Variants in GPR39 observed in about 807,000 individuals in gnomAD.
The protein encoded by GPR39 is G protein-coupled receptor 39, also known as zinc sensing receptor.
In GPR39, 23 loss-of-function variants were observed where a neutral mutation model predicts 18.4. That is an observed-to-expected ratio of 1.25 (90% CI 0.90 to 1.77). The LOEUF (loss-of-function observed/expected upper bound fraction) is 1.77. Ranked by LOEUF, GPR39 falls within the 40% of genes most tolerant of loss-of-function variation. The pLI, the probability that GPR39 is intolerant of heterozygous loss-of-function variation, is 0.00. For missense variants in GPR39, 647 were observed against 602.4 expected (o/e 1.07, Z -0.78); for synonymous variants, 280 against 257.9 (o/e 1.09, Z -0.82).
At chr2:132,530,032 C>T (rs1221829160) in intron 1 of GPR39, among the ~76,000 whole-genome samples, 1 of 152,058 alleles carries the variant, frequency 6.6e-6, no homozygotes, top group South Asian at 2.1e-4. Context: ...AGAGAAGAAG[C>T]CTTCAGAAGA....
intron 1 of GPR39, among the ~76,000 whole-genome samples, chr2:132,622,119 T>A (rs10185699): frequency 0.022 from 3,297 of 152,182 alleles, 114 homozygotes; most frequent in African/African-American, 0.075. Context: ...ATTGGCAGGG[T>A]GCAGTGGCTT....
At chr2:132,560,923 T>C (rs1680240949) in intron 1 of GPR39, among the ~76,000 whole-genome samples, 1 of 148,728 alleles carries the variant, frequency 6.7e-6, no homozygotes, top group South Asian at 2.2e-4. Context: ...TTTTGCTTTT[T>C]TTTTTTGAGA....
At chr2:132,507,337 C>T (rs970494433) in intron 1 of GPR39, among the ~76,000 whole-genome samples, 2 of 152,094 alleles carry the variant, frequency 1.3e-5, no homozygotes, top group Admixed American at 6.5e-5. Flanking sequence ...TAGAAGAAGT[C>T]TTAAAAATAA....
In GPR39 at chr2:132,571,178, T is replaced by C. The variant is rs150970184; in HGVS notation, c.857-73923T>C. ...GATTAAGAAGCGATTAAACAAAGACTGTCTTCTTAATGTCCAAATTAAAGC... is the reference window on the plus strand; with the variant it reads ...GATTAAGAAGCGATTAAACAAAGACCGTCTTCTTAATGTCCAAATTAAAGC... On this transcript the variant is annotated intron_variant, in intron 1 of 1. Coordinates refer to ENST00000329321, the MANE Select transcript of GPR39 (RefSeq NM_001508.3). 7.2e-5 allele frequency among the ~76,000 whole-genome samples: 11 copies of C among 152,376 alleles called. No homozygotes were observed. The East Asian group carries it at 1.9e-3, about 27-fold the overall frequency.
At chr2:132,538,324 T>G (rs3115037) in intron 1 of GPR39, among the ~76,000 whole-genome samples, 82,314 of 152,118 alleles carry the variant, frequency 0.54, 23,408 homozygotes, top group East Asian at 0.9. Context: ...CAGATCTGCT[T>G]CAGTTTGCTG....
intron 1 of GPR39, among the ~76,000 whole-genome samples, chr2:132,462,423 G>A (rs1680850700): frequency 6.6e-6 from 1 of 152,206 alleles, no homozygotes; most frequent in Non-Finnish European, 1.5e-5. Flanking sequence ...TTGATAAGAA[G>A]GGTTGTTGGG....
At chr2:132,640,250 C>T (rs750451564) in intron 1 of GPR39, among the ~76,000 whole-genome samples, 3 of 152,162 alleles carry the variant, frequency 2.0e-5, no homozygotes, top group Non-Finnish European at 2.9e-5. Flanking sequence ...AAGATGAAAC[C>T]AAGCAGGCTG....
intron 1 of GPR39, among the ~76,000 whole-genome samples, chr2:132,492,253 A>G (rs1237881686): frequency 7.0e-6 from 1 of 143,672 alleles, no homozygotes; most frequent in Non-Finnish European, 1.5e-5. Context: ...CATACCATAT[A>G]TACACCATAT....
chr2:132,451,648 A>G (rs1680634747), intron 1 of GPR39, among the ~76,000 whole-genome samples: 1 of 151,582 alleles, frequency 6.6e-6, no homozygotes, highest in Non-Finnish European at 1.5e-5. Flanking sequence ...CTCATCCTCT[A>G]CTCTATTTCA....
chr2:132,641,738 G>A (rs562843991), intron 1 of GPR39, among the ~76,000 whole-genome samples: 1 of 152,164 alleles, frequency 6.6e-6, no homozygotes, highest in Non-Finnish European at 1.5e-5. Flanking sequence ...GAATGTGGCT[G>A]CTAGAAAATT....
chr2:132,575,782 C>G (rs1488113845), intron 1 of GPR39, among the ~76,000 whole-genome samples: 1 of 152,194 alleles, frequency 6.6e-6, no homozygotes, highest in Non-Finnish European at 1.5e-5. Context: ...CTGCTGTTGT[C>G]TAAATGTTTG....
chr2:132,420,178 G>A (rs1226765047), intron 1 of GPR39, among the ~76,000 whole-genome samples: 1 of 152,170 alleles, frequency 6.6e-6, no homozygotes, highest in Non-Finnish European at 1.5e-5. Flanking sequence ...AAAGATTGTT[G>A]AATGGCAATC....
rs1679937272 is a variant in GPR39, at chr2:132,417,778, A to G, written c.736A>G (p.Met246Val). The G allele has an allele frequency of 6.2e-7, 1 of 1,614,046 alleles. No individual in the cohort carries two copies. The highest frequency in any genetic ancestry group is 1.3e-5 in the African/African-American group (1 of 74,916). Residue 246 changes from methionine to valine, a missense_variant, in exon 1 of 2, where the codon ATG becomes GTG. Around this residue, in one of 3 missense-constraint regions of GPR39, gnomAD observed 581 missense variants for 506.8 expected, o/e 1.15. Transcript: ENST00000329321. Reference sequence around the variant, plus strand: ...CGTAGCCTTCATGTGCTGGAACATGATGCAGGTGCTCATGAAAAGCCAGAA... The same window carrying G: ...CGTAGCCTTCATGTGCTGGAACATGGTGCAGGTGCTCATGAAAAGCCAGAA... ...LSVAFMCWNM[M>V]QVLMKSQKGS...
chr2:132,592,925 G>C (rs1680872120), intron 1 of GPR39, among the ~76,000 whole-genome samples: 2 of 152,116 alleles, frequency 1.3e-5, no homozygotes, highest in Non-Finnish European at 2.9e-5. Flanking sequence ...AAGAGTCCCA[G>C]GGCCACCTTC....
chr2:132,634,431 A>T (rs1055858066), intron 1 of GPR39, among the ~76,000 whole-genome samples: 1 of 152,132 alleles, frequency 6.6e-6, no homozygotes, highest in Non-Finnish European at 1.5e-5. Flanking sequence ...GTGTCCAAGG[A>T]ATCCTTTGTT....
chr2:132,609,280 G>A (rs926058822), intron 1 of GPR39, among the ~76,000 whole-genome samples: 1 of 152,182 alleles, frequency 6.6e-6, no homozygotes, highest in African/African-American at 2.4e-5. Flanking sequence ...GTCAGGCCAG[G>A]TGCTTTTCTT....
chr2:132,507,323 G>A (rs1238358985), intron 1 of GPR39, among the ~76,000 whole-genome samples: 1 of 152,208 alleles, frequency 6.6e-6, no homozygotes, highest in Non-Finnish European at 1.5e-5. Context: ...AGCCTTAAAA[G>A]AGATAGAAGA....
At chr2:132,520,313 T>A (rs937493708) in intron 1 of GPR39, among the ~76,000 whole-genome samples, 1 of 152,208 alleles carries the variant, frequency 6.6e-6, no homozygotes, top group Non-Finnish European at 1.5e-5. Flanking sequence ...TAATGCCTAT[T>A]TGTGTAACCA....
At chr2:132,447,485 T>TGAAGAGATATCTTGA (rs1229247689) in intron 1 of GPR39, among the ~76,000 whole-genome samples, 10 of 152,216 alleles carry the variant, frequency 6.6e-5, no homozygotes, top group Non-Finnish European at 1.5e-4. Context: ...CCCTCTTGCT[T>TGAAGAGATATCTTGA]AGAGATATCT....
Sources: gnomAD v4.1 joint callset for allele counts (sites outside exome capture counted in the v4.1 genomes callset) on GRCh38, gnomAD v4.1.1 for gene constraint, gnomAD v4.1.1 regional missense constraint, MANE v1.5 for transcripts, NCBI Gene and HGNC (gene_info 2026-07-23, HGNC 2026-07-21) for gene names.